Variants in CSMD1 observed in about 807,000 individuals in gnomAD.
CSMD1 encodes the protein CUB and Sushi multiple domains 1.
A neutral mutation model predicts 417.5 loss-of-function variants in CSMD1; 213 were observed. That is an observed-to-expected ratio of 0.51 (90% confidence interval 0.46 to 0.57). The LOEUF is 0.57. Among genes scored for constraint, CSMD1 ranks in the 20% least tolerant of loss-of-function variants. The pLI is 0.00. For missense variants in CSMD1, 6,923 were observed against 4,529.7 expected (o/e 1.53, Z -15.17); for synonymous variants, 2,862 against 1,736.8 (o/e 1.65, Z -16.11).
At chr8:4,791,800 T>G (rs537437941) in intron 1 of CSMD1, among the ~76,000 whole-genome samples, 13 of 152,308 alleles carry the variant, frequency 8.5e-5, no homozygotes, top group African/African-American at 3.1e-4. Flanking sequence ...TCCTCCAGTT[T>G]GGGTGGCATT....
At chr8:4,254,727 G>C (rs1222339271) in intron 3 of CSMD1, among the ~76,000 whole-genome samples, 1 of 152,046 alleles carries the variant, frequency 6.6e-6, no homozygotes, top group Non-Finnish European at 1.5e-5. Flanking sequence ...GTATGGTTAT[G>C]TATCTTCAGA....
At chr8:4,811,443 T>C (rs1425856858) in intron 1 of CSMD1, among the ~76,000 whole-genome samples, 2 of 152,308 alleles carry the variant, frequency 1.3e-5, no homozygotes, top group East Asian at 3.9e-4. Flanking sequence ...TATTTGATTA[T>C]TTTTGTTCTA....
intron 2 of CSMD1, among the ~76,000 whole-genome samples, chr8:4,582,375 T>C (rs551292025): frequency 6.6e-6 from 1 of 152,182 alleles, no homozygotes; most frequent in Non-Finnish European, 1.5e-5. Flanking sequence ...CATAATTGTT[T>C]TGAGGACAAA....
At chr8:4,292,411 C>A (rs1202183020) in intron 3 of CSMD1, among the ~76,000 whole-genome samples, 2 of 152,028 alleles carry the variant, frequency 1.3e-5, no homozygotes, top group African/African-American at 4.8e-5. Context: ...CGCCACCACG[C>A]CCGGCTAATT....
chr8:3,218,536 G>C (rs1387738267), intron 29 of CSMD1, among the ~76,000 whole-genome samples: 1 of 142,634 alleles, frequency 7.0e-6, no homozygotes, highest in Non-Finnish European at 1.5e-5. Context: ...ACTCCAGCCT[G>C]CATGATAGAG....
intron 5 of CSMD1, among the ~76,000 whole-genome samples, chr8:3,770,918 G>C (rs1240403587): frequency 1.3e-5 from 2 of 152,120 alleles, no homozygotes; most frequent in African/African-American, 4.8e-5. Flanking sequence ...ATCATTTTCA[G>C]ATAGCTTGGT....
intron 1 of CSMD1, among the ~76,000 whole-genome samples, chr8:4,953,020 ATG>A (rs1808854596): frequency 6.6e-6 from 1 of 152,156 alleles, no homozygotes; most frequent in Non-Finnish European, 1.5e-5. Flanking sequence ...GGTTTTCCAC[ATG>A]TGAGATGAGA....
intron 8 of CSMD1, among the ~76,000 whole-genome samples, chr8:3,600,005 G>A (rs1801285268): frequency 6.6e-6 from 1 of 152,138 alleles, no homozygotes. Context: ...GTGAGGGCAG[G>A]GAAAATGACC....
intron 3 of CSMD1, among the ~76,000 whole-genome samples, chr8:4,165,536 TG>T (rs1180772673): frequency 6.6e-6 from 1 of 152,112 alleles, no homozygotes; most frequent in Non-Finnish European, 1.5e-5. Context: ...GCCAAGTAGG[TG>T]GGACCTCCGG....
chr8:4,764,872 CAAAAAAAAAA>C (rs1194894751), intron 1 of CSMD1, among the ~76,000 whole-genome samples: 20 of 50,940 alleles, frequency 3.9e-4, no homozygotes, highest in Admixed American at 1.0e-3. Flanking sequence ...GACTCCATCT[CAAAAAAAAAA>C]AAAAAAAAAA....
chr8:4,850,903 C>T (rs1393010886), intron 1 of CSMD1, among the ~76,000 whole-genome samples: 1 of 147,340 alleles, frequency 6.8e-6, no homozygotes, highest in Admixed American at 6.8e-5. Context: ...GATTGTTTCC[C>T]TTGCCCCCCC....
chr8:4,666,401 A>C (rs1585417876), intron 1 of CSMD1, among the ~76,000 whole-genome samples: 1 of 152,250 alleles, frequency 6.6e-6, no homozygotes, highest in Middle Eastern at 3.4e-3. Flanking sequence ...ATAAGGACTC[A>C]ATCAGCAACT....
chr8:4,503,365 T>A (rs890854125), intron 2 of CSMD1, among the ~76,000 whole-genome samples: 2 of 152,180 alleles, frequency 1.3e-5, no homozygotes, highest in African/African-American at 4.8e-5. Context: ...CCTACCATCA[T>A]ACTCAACTTT....
intron 18 of CSMD1, 102 bp from the exon 19 acceptor site, chr8:3,369,472 A>C (rs6984628): frequency 1.6e-6 from 1 of 636,206 alleles, no homozygotes; most frequent in Non-Finnish European, 2.8e-6. Context: ...AGGATTAACA[A>C]ATTTAATGTC....
intron 1 of CSMD1, among the ~76,000 whole-genome samples, chr8:4,721,221 T>C (rs549891635): frequency 8.5e-5 from 13 of 152,278 alleles, no homozygotes; most frequent in Admixed American, 2.6e-4. Context: ...TACTGAAACA[T>C]AGGAATTGTG....
chr8:4,720,372 A>G (rs975353531), intron 1 of CSMD1, among the ~76,000 whole-genome samples: 6 of 152,132 alleles, frequency 3.9e-5, no homozygotes, highest in African/African-American at 1.4e-4. Context: ...AAAATATGAC[A>G]AACTATATTA....
intron 21 of CSMD1, among the ~76,000 whole-genome samples, chr8:3,354,568 C>A (rs986211173): frequency 6.6e-6 from 1 of 151,996 alleles, no homozygotes; most frequent in African/African-American, 2.4e-5. Context: ...ATATGCAATT[C>A]CATATTTACT....
intron 3 of CSMD1, among the ~76,000 whole-genome samples, chr8:4,204,271 A>G (rs2131265443): frequency 6.6e-6 from 1 of 152,156 alleles, no homozygotes; most frequent in South Asian, 2.1e-4. Flanking sequence ...TAGGAAAAAA[A>G]AAAAACCTCA....
chr8:3,339,020 A>G (rs1437465083), intron 23 of CSMD1, among the ~76,000 whole-genome samples: 12 of 121,180 alleles, frequency 9.9e-5, no homozygotes, highest in Middle Eastern at 6.9e-3. Flanking sequence ...TGAGTGTGAT[A>G]TTCCCCTTCC....
Sources: allele counts gnomAD v4.1 joint callset (sites outside exome capture counted in the v4.1 genomes callset), GRCh38; gene constraint gnomAD v4.1.1; transcripts MANE v1.5; gene names NCBI Gene and HGNC (gene_info 2026-07-23, HGNC 2026-07-21).